Variants in TMCC1 observed in about 807,000 individuals in gnomAD.
The protein encoded by TMCC1 is transmembrane and coiled-coil domain family 1.
TMCC1 carries 15 observed loss-of-function variants against 52.4 expected under a neutral mutation model. The observed-to-expected ratio is 0.29, with a 90% CI of 0.19 to 0.44. TMCC1 has a LOEUF of 0.44. Ranked by LOEUF, TMCC1 falls within the 20% of genes least tolerant of loss-of-function variation. The pLI is 1.00. For synonymous variants in TMCC1, 279 were observed against 301.9 expected (o/e 0.92, Z 0.79); for missense variants, 503 against 806.0 (o/e 0.62, Z 4.55).
intron 4 of TMCC1, among the ~76,000 whole-genome samples, chr3:129,826,277 G>A (rs1265933567): frequency 1.3e-5 from 2 of 151,180 alleles, no homozygotes; most frequent in African/African-American, 4.9e-5. Flanking sequence ...TGAGGTGGAT[G>A]GATCACTTGA....
chr3:129,876,660 AT>A (rs2107981123), intron 2 of TMCC1, among the ~76,000 whole-genome samples: 1 of 152,172 alleles, frequency 6.6e-6, no homozygotes, highest in Non-Finnish European at 1.5e-5. Context: ...ATTAAAAAAA[AT>A]AAACCCTGAA....
chr3:129,746,628 T>G (rs2052000549), intron 4 of TMCC1, among the ~76,000 whole-genome samples: 1 of 152,184 alleles, frequency 6.6e-6, no homozygotes, highest in African/African-American at 2.4e-5. Flanking sequence ...CTAAAGGTAT[T>G]GGGTGGCTTA....
intron 1 of TMCC1, among the ~76,000 whole-genome samples, chr3:129,882,705 A>G (rs2061514123): frequency 6.6e-6 from 1 of 152,250 alleles, no homozygotes; most frequent in Admixed American, 6.5e-5. Flanking sequence ...AAGAAAGAAC[A>G]TTCTGAAAAA....
intron 4 of TMCC1, among the ~76,000 whole-genome samples, chr3:129,682,389 T>A (rs939777784): frequency 6.6e-6 from 1 of 152,214 alleles, no homozygotes; most frequent in African/African-American, 2.4e-5. Context: ...TAATGTTAAA[T>A]ATAACAATTA....
At chr3:129,811,436 T>C (rs2057802290) in intron 4 of TMCC1, among the ~76,000 whole-genome samples, 2 of 151,890 alleles carry the variant, frequency 1.3e-5, no homozygotes, top group African/African-American at 4.8e-5. Flanking sequence ...GGCTGTTTTT[T>C]TTAAAATTTC....
chr3:129,761,327 C>CAAAAAA (rs59160769), intron 4 of TMCC1, among the ~76,000 whole-genome samples: 1 of 61,230 alleles, frequency 1.6e-5, no homozygotes, highest in African/African-American at 6.0e-5. Context: ...GACTCCGTCT[C>CAAAAAA]AAAAAAAAAA....
chr3:129,875,994 G>A (rs1371523460), intron 2 of TMCC1, among the ~76,000 whole-genome samples: 1 of 152,146 alleles, frequency 6.6e-6, no homozygotes, highest in East Asian at 1.9e-4. Flanking sequence ...AACTAGCTGG[G>A]TGTGATGGCA....
At chr3:129,720,346 T>C (rs1246564990) in intron 4 of TMCC1, among the ~76,000 whole-genome samples, 2 of 152,188 alleles carry the variant, frequency 1.3e-5, no homozygotes, top group African/African-American at 4.8e-5. Context: ...TATTTGTGCA[T>C]TGGAGTCTGT....
intron 4 of TMCC1, among the ~76,000 whole-genome samples, chr3:129,770,632 G>GAAATAAAATA (rs564101821): frequency 0.019 from 2,621 of 140,788 alleles, 180 homozygotes; most frequent in East Asian, 0.16. Context: ...GAAATGAAAT[G>GAAATAAAATA]AAATAAAATA....
chr3:129,736,238 T>G (rs1248674445), intron 4 of TMCC1, among the ~76,000 whole-genome samples: 2 of 152,206 alleles, frequency 1.3e-5, no homozygotes, highest in Non-Finnish European at 2.9e-5. Flanking sequence ...CTGGCACAAA[T>G]GCCAAACTAT....
At chr3:129,783,307 A>G (rs1251520130) in intron 4 of TMCC1, among the ~76,000 whole-genome samples, 2 of 152,198 alleles carry the variant, frequency 1.3e-5, no homozygotes, top group Non-Finnish European at 2.9e-5. Context: ...ATTTCTAAAT[A>G]CTGATGTTTA....
chr3:129,664,305 A>G (rs1210360724), intron 5 of TMCC1, among the ~76,000 whole-genome samples: 1 of 152,212 alleles, frequency 6.6e-6, no homozygotes, highest in Non-Finnish European at 1.5e-5. Context: ...CTGAGCATAC[A>G]TCTGAGCATA....
At chr3:129,857,647 C>T (rs894854568) in intron 2 of TMCC1, among the ~76,000 whole-genome samples, 20 of 151,876 alleles carry the variant, frequency 1.3e-4, no homozygotes, top group Admixed American at 4.6e-4. Context: ...CTGCAAGCTC[C>T]GCCTCCCGGG....
intron 4 of TMCC1, among the ~76,000 whole-genome samples, chr3:129,816,753 A>G (rs1378143345): frequency 6.6e-6 from 1 of 152,142 alleles, no homozygotes; most frequent in Non-Finnish European, 1.5e-5. Context: ...GCCAGGCATA[A>G]TGGCTCATGC....
intron 2 of TMCC1, among the ~76,000 whole-genome samples, chr3:129,840,512 T>C (rs897672325): frequency 6.6e-6 from 1 of 152,056 alleles, no homozygotes; most frequent in East Asian, 1.9e-4. Flanking sequence ...ACAAGAAAGA[T>C]TGTCAAGGAT....
At chr3:129,702,776 G>A (rs1388827439) in intron 4 of TMCC1, among the ~76,000 whole-genome samples, 1 of 152,174 alleles carries the variant, frequency 6.6e-6, no homozygotes, top group East Asian at 1.9e-4. Context: ...GTAAAAACAA[G>A]GATTTGAGGC....
At chr3:129,839,943 T>C (rs933365906) in intron 2 of TMCC1, among the ~76,000 whole-genome samples, 11 of 151,496 alleles carry the variant, frequency 7.3e-5, no homozygotes, top group African/African-American at 2.7e-4. Flanking sequence ...AGCAAGATGG[T>C]AGGTTTTCAT....
intron 6 of TMCC1, among the ~76,000 whole-genome samples, chr3:129,652,364 C>A (rs2086387012): frequency 6.6e-6 from 1 of 152,106 alleles, no homozygotes; most frequent in Admixed American, 6.5e-5. Context: ...CAAAGTGGAC[C>A]CCAAAGAAAC....
At chr3:129,724,611 A>G (rs991766309) in intron 4 of TMCC1, among the ~76,000 whole-genome samples, 6 of 152,234 alleles carry the variant, frequency 3.9e-5, no homozygotes, top group Non-Finnish European at 8.8e-5. Flanking sequence ...CAAACCTAAT[A>G]TACATCATCA....
Sources: gnomAD v4.1 joint callset for allele counts (sites outside exome capture counted in the v4.1 genomes callset) on GRCh38, gnomAD v4.1.1 for gene constraint, MANE v1.5 for transcripts, NCBI Gene and HGNC (gene_info 2026-07-23, HGNC 2026-07-21) for gene names.